EEIG1: variants seen among roughly 807,000 people sequenced by gnomAD.
EEIG1 encodes estrogen-induced osteoclastogenesis regulator 1.
chr9:127,976,871 T>G, the EEIG1 span, among the ~76,000 whole-genome samples: 1 of 152,066 alleles, frequency 6.6e-6, no homozygotes, highest in East Asian at 1.9e-4. The surrounding 1 kb of genome is among the most constrained non-coding windows in gnomAD (Gnocchi z 4.1). Context: ...AAATATGCTA[T>G]TGATCTGGGT....
the EEIG1 span, among the ~76,000 whole-genome samples, chr9:127,955,729 G>A: frequency 7.2e-5 from 11 of 152,218 alleles, no homozygotes; most frequent in Admixed American, 6.5e-5. Context: ...AGGGAGTCCC[G>A]TTTCCTTAGC....
At chr9:127,944,626 CT>C in the EEIG1 span, 2 of 1,611,748 alleles carry the variant, frequency 1.2e-6, no homozygotes, top group Non-Finnish European at 1.7e-6. Flanking sequence ...TGGTGGCAAG[CT>C]GGATGCCGCT....
chr9:127,968,416 CAGAG>C, the EEIG1 span, among the ~76,000 whole-genome samples: 2 of 152,172 alleles, frequency 1.3e-5, no homozygotes, highest in Admixed American at 1.3e-4. Context: ...TCCTGTCTCC[CAGAG>C]TGTGGAGGTC....
chr9:127,976,193 C>T, the EEIG1 span, among the ~76,000 whole-genome samples: 22 of 152,210 alleles, frequency 1.4e-4, no homozygotes, highest in African/African-American at 5.3e-4. The surrounding 1 kb of genome is among the most constrained non-coding windows in gnomAD (Gnocchi z 4.1). Flanking sequence ...GCCATCAAGG[C>T]AAGACAGGGC....
At chr9:127,955,341 C>T in the EEIG1 span, among the ~76,000 whole-genome samples, 1 of 152,306 alleles carries the variant, frequency 6.6e-6, no homozygotes, top group African/African-American at 2.4e-5. Flanking sequence ...GAAGGCCACC[C>T]TACCCGCCAC....
chr9:127,962,449 G>A, the EEIG1 span, among the ~76,000 whole-genome samples: 1 of 152,158 alleles, frequency 6.6e-6, no homozygotes, highest in Non-Finnish European at 1.5e-5. Context: ...CTGCATTGTG[G>A]CCCAGGGTGG....
At chr9:127,952,352 C>T in the EEIG1 span, among the ~76,000 whole-genome samples, 1 of 152,268 alleles carries the variant, frequency 6.6e-6, no homozygotes, top group African/African-American at 2.4e-5. Flanking sequence ...GGCATTTCCC[C>T]TCCCGGCTGA....
At chr9:127,957,520 A>G in the EEIG1 span, among the ~76,000 whole-genome samples, 1 of 152,300 alleles carries the variant, frequency 6.6e-6, no homozygotes, top group Admixed American at 6.5e-5. Flanking sequence ...TGTTGTTAAG[A>G]TGATACTCCC....
chr9:127,969,330 T>C, the EEIG1 span, among the ~76,000 whole-genome samples: 1 of 152,154 alleles, frequency 6.6e-6, no homozygotes, highest in South Asian at 2.1e-4. Flanking sequence ...GTTTGCTGGA[T>C]AGGTGAACCA....
At chr9:127,943,546 CA>C in the EEIG1 span, 1 of 421,214 alleles carries the variant, frequency 2.4e-6, no homozygotes. Flanking sequence ...AACTGAGGCT[CA>C]GAGGGATGTG....
the EEIG1 span, among the ~76,000 whole-genome samples, chr9:127,967,596 T>C: frequency 6.6e-6 from 1 of 152,176 alleles, no homozygotes; most frequent in African/African-American, 2.4e-5. Flanking sequence ...CCAGGATCCA[T>C]GCCCACAGCA....
the EEIG1 span, among the ~76,000 whole-genome samples, chr9:127,959,448 T>C: frequency 6.6e-6 from 1 of 152,222 alleles, no homozygotes; most frequent in Admixed American, 6.5e-5. Flanking sequence ...GGCAAATCCA[T>C]AGTGACAGGA....
chr9:127,943,395 T>C, the EEIG1 span: 2 of 675,330 alleles, frequency 3.0e-6, no homozygotes. Context: ...GTAAGTCCCT[T>C]GCCCACAGTG....
chr9:127,950,619 C>G, the EEIG1 span: 1 of 1,564,868 alleles, frequency 6.4e-7, no homozygotes. Context: ...GGTAACTTGG[C>G]AAAAGTTGGA....
the EEIG1 span, chr9:127,948,099 G>C: frequency 3.1e-6 from 5 of 1,612,612 alleles, no homozygotes; most frequent in African/African-American, 5.3e-5. Context: ...GCCGAGCCTT[G>C]GGGGGCCGGG....
At chr9:127,980,123 C>T in the EEIG1 span, 5 of 1,612,830 alleles carry the variant, frequency 3.1e-6, no homozygotes, top group South Asian at 5.5e-5. Context: ...TCTTCTTCTT[C>T]ATCAAGAAAG....
the EEIG1 span, among the ~76,000 whole-genome samples, chr9:127,959,122 TATG>T: frequency 6.6e-6 from 1 of 152,226 alleles, no homozygotes; most frequent in East Asian, 1.9e-4. Flanking sequence ...AACACAGAGT[TATG>T]ATATGACCCA....
At chr9:127,957,430 G>A in the EEIG1 span, among the ~76,000 whole-genome samples, 670 of 152,206 alleles carry the variant, frequency 4.4e-3, 17 homozygotes, top group East Asian at 0.076. Context: ...TACATACTCC[G>A]GAAACTACAA....
At chr9:127,948,153 A>C in the EEIG1 span, 1 of 1,613,968 alleles carries the variant, frequency 6.2e-7, no homozygotes. Flanking sequence ...TGCTGGTCCC[A>C]CCACCCTTAC....
Sources: gnomAD v4.1 joint callset for allele counts (sites outside exome capture counted in the v4.1 genomes callset) on GRCh38, gnomAD v4.1.1 for gene constraint, Gnocchi (gnomAD v3.1) non-coding constraint, MANE v1.5 for transcripts, NCBI Gene and HGNC (gene_info 2026-07-23, HGNC 2026-07-21) for gene names.